Variants in PDE1C observed in about 807,000 individuals in gnomAD.
PDE1C encodes the protein phosphodiesterase 1C.
PDE1C carries 62 observed loss-of-function variants against 93.1 expected under a neutral mutation model. That is an observed-to-expected ratio of 0.67 (90% CI 0.54 to 0.82). The LOEUF is 0.82. Among genes scored for constraint, PDE1C ranks in the 40% least tolerant of loss-of-function variants. The probability of loss-of-function intolerance (pLI) is 0.00; values close to 1 mark genes in which losing one functional copy is unlikely to be tolerated. For missense variants in PDE1C, 742 were observed against 884.6 expected, an observed-to-expected ratio of 0.84 and a Z score of 2.04; for synonymous variants, 325 against 310.1, an observed-to-expected ratio of 1.05 and a Z score of -0.50.
At chr7:31,906,835 G>A (rs1296878105) in intron 2 of PDE1C, among the ~76,000 whole-genome samples, 1 of 152,106 alleles carries the variant, frequency 6.6e-6, no homozygotes, top group East Asian at 1.9e-4. Flanking sequence ...AGGAATAAGA[G>A]TATCTTCCTC....
chr7:31,966,319 A>C (rs1463787995), intron 2 of PDE1C, among the ~76,000 whole-genome samples: 25 of 152,214 alleles, frequency 1.6e-4, no homozygotes, highest in Admixed American at 1.6e-3. Flanking sequence ...CTAGTCTCAG[A>C]TAAAACAGAC....
the PDE1C span, among the ~76,000 whole-genome samples, chr7:31,677,725 C>T: frequency 1.3e-5 from 2 of 152,096 alleles, no homozygotes; most frequent in South Asian, 4.1e-4. Flanking sequence ...AAGTCAGGAA[C>T]AAGATAGAAA....
chr7:32,062,832 T>C (rs1316817671), intron 1 of PDE1C, among the ~76,000 whole-genome samples: 2 of 152,204 alleles, frequency 1.3e-5, no homozygotes, highest in Admixed American at 1.3e-4. Flanking sequence ...GGTAAGTGAA[T>C]GAATGACTGA....
At chr7:32,285,751 GAA>G (rs1473386830) in intron 1 of PDE1C, among the ~76,000 whole-genome samples, 1 of 137,126 alleles carries the variant, frequency 7.3e-6, no homozygotes, top group East Asian at 2.4e-4. Flanking sequence ...GGGGAGAAGA[GAA>G]GAGAGGGGGG....
At position 32,249,288 on chromosome 7, in the gene PDE1C, C is replaced by T. The variant is rs74956041; in HGVS notation, c.86-39749G>A. On this transcript the variant is annotated intron_variant, in intron 1 of 18. Transcript: ENST00000396193. ...CTGCAGGGGGTGCTTCTAAATGCTACAAAATATGTCTGGGAGAACTACTTG... is the reference window on the plus strand; with the variant it reads ...CTGCAGGGGGTGCTTCTAAATGCTATAAAATATGTCTGGGAGAACTACTTG... Among the ~76,000 whole-genome samples the T allele has an allele frequency of 7.2e-3, 1,092 of 151,984 alleles. 12 individuals carry two copies. The highest frequency in any genetic ancestry group is 0.025 in the African/African-American group (1,032 of 41,470).
intron 2 of PDE1C, among the ~76,000 whole-genome samples, chr7:31,957,660 GCA>G (rs544101369): frequency 2.3e-3 from 347 of 152,256 alleles, no homozygotes; most frequent in Middle Eastern, 6.8e-3. Context: ...GGCCATATTA[GCA>G]CAGTTTTTGT....
chr7:32,312,544 G>A (rs1454811928), intron 1 of PDE1C, among the ~76,000 whole-genome samples: 1 of 152,132 alleles, frequency 6.6e-6, no homozygotes, highest in Non-Finnish European at 1.5e-5. Flanking sequence ...CATGGTACTG[G>A]TACCAAAACA....
chr7:31,960,290 C>T lies in PDE1C; in HGVS notation c.129-79430G>A, dbSNP rs368405929. On this transcript the variant is annotated intron_variant, in intron 2 of 17. Transcript: ENST00000396191. ...ACGGGACAACTGACATCCTGTGCCT[C>T]CCTGTGTGTTAGACAGAGAAAGACA... Among the ~76,000 whole-genome samples the T allele has an allele frequency of 1.7e-3, 261 of 152,338 alleles. 1 individual carries two copies. The highest frequency in any genetic ancestry group is 7.1e-3 in the South Asian group (34 of 4,820).
chr7:32,074,729 G>A (rs1796256070), upstream of PDE1C, among the ~76,000 whole-genome samples: 1 of 152,218 alleles, frequency 6.6e-6, no homozygotes, highest in African/African-American at 2.4e-5. Context: ...AAAGTAGGTG[G>A]AGTAGAAATT....
the PDE1C span, among the ~76,000 whole-genome samples, chr7:31,623,968 A>G: frequency 2.0e-5 from 3 of 149,640 alleles, no homozygotes; most frequent in South Asian, 2.1e-4. Flanking sequence ...GCATTCTTAT[A>G]CACCAATAAC....
chr7:31,687,490 G>A, the PDE1C span, among the ~76,000 whole-genome samples: 6 of 152,144 alleles, frequency 3.9e-5, no homozygotes, highest in Non-Finnish European at 8.8e-5. Context: ...TCCAAGGGAG[G>A]GAATGGAGTT....
At chr7:31,796,453 T>A (rs1785323689) in intron 16 of PDE1C, among the ~76,000 whole-genome samples, 1 of 151,664 alleles carries the variant, frequency 6.6e-6, no homozygotes, top group South Asian at 2.1e-4. Flanking sequence ...TTATATACCA[T>A]CCTTGAAAAG....
chr7:31,647,048 A>G, the PDE1C span, among the ~76,000 whole-genome samples: 5 of 152,276 alleles, frequency 3.3e-5, no homozygotes, highest in African/African-American at 4.8e-5. Flanking sequence ...ATACGTGTGC[A>G]TATTTATACT....
At chr7:31,850,548 T>C in intron 8 of PDE1C, 93 bp downstream of exon 8, 2 of 824,684 alleles carry the variant, frequency 2.4e-6, no homozygotes, top group South Asian at 2.8e-5. Context: ...ATAGGAAACC[T>C]ATGCAAAAGA....
intron 1 of PDE1C, among the ~76,000 whole-genome samples, chr7:32,258,602 T>C (rs1382959742): frequency 6.6e-6 from 1 of 152,132 alleles, no homozygotes; most frequent in Non-Finnish European, 1.5e-5. Context: ...TTCAAGACTA[T>C]GGGGTCCCTG....
chr7:31,880,294 G>T (rs554739211), intron 3 of PDE1C, among the ~76,000 whole-genome samples: 1 of 152,144 alleles, frequency 6.6e-6, no homozygotes, highest in Non-Finnish European at 1.5e-5. Context: ...AGCGACATAC[G>T]TAAGACTGAA....
intron 3 of PDE1C, among the ~76,000 whole-genome samples, chr7:32,134,538 T>G (rs1033615045): frequency 8.6e-5 from 13 of 151,804 alleles, no homozygotes; most frequent in Non-Finnish European, 1.8e-4. Flanking sequence ...TATAGAAGAA[T>G]GGGATGATCA....
chr7:32,199,311 G>A (rs1224821546), intron 2 of PDE1C, among the ~76,000 whole-genome samples: 1 of 151,968 alleles, frequency 6.6e-6, no homozygotes, highest in Non-Finnish European at 1.5e-5. Flanking sequence ...TCATTAGTCT[G>A]AGGATTCATA....
At chr7:32,322,372 C>A (rs113125773) in intron 1 of PDE1C, among the ~76,000 whole-genome samples, 13,534 of 152,090 alleles carry the variant, frequency 0.089, 983 homozygotes, top group South Asian at 0.26. Context: ...GAGGCCGAAG[C>A]AGGAGGATCA....
Sources: gnomAD v4.1 joint callset for allele counts (sites outside exome capture counted in the v4.1 genomes callset) on GRCh38, gnomAD v4.1.1 for gene constraint, MANE v1.5 for transcripts, NCBI Gene and HGNC (gene_info 2026-07-23, HGNC 2026-07-21) for gene names.